The following MEGF11 variants were observed in gnomAD, a reference collection of about 807,000 sequenced individuals.
MEGF11 encodes the protein multiple epidermal growth factor-like domains protein 11.
In MEGF11, 126 loss-of-function variants were observed where a neutral mutation model predicts 146.6. That is an observed-to-expected ratio of 0.86 (90% CI 0.74 to 1.00). The LOEUF (loss-of-function observed/expected upper bound fraction) is 1.00, where lower values mean the gene tolerates loss of function less well. MEGF11 is among the 50% of genes least tolerant of loss of function. The pLI is 0.00. For synonymous variants in MEGF11, 532 were observed against 583.4 expected (o/e 0.91, Z 1.27); for missense variants, 1,509 against 1,521.2 (o/e 0.99, Z 0.13).
At chr15:65,921,271 C>A (rs2079162156) in intron 15 of MEGF11, among the ~76,000 whole-genome samples, 1 of 152,048 alleles carries the variant, frequency 6.6e-6, no homozygotes, top group African/African-American at 2.4e-5. Context: ...TTGCTTTTAG[C>A]CCTAAGTTTA....
intron 5 of MEGF11, among the ~76,000 whole-genome samples, chr15:65,997,136 C>G (rs2141811353): frequency 6.6e-6 from 1 of 152,346 alleles, no homozygotes; most frequent in South Asian, 2.1e-4. Context: ...AGTCAGAGGA[C>G]ACTCTATCCA....
chr15:66,183,723 C>T (rs980382872), intron 1 of MEGF11, among the ~76,000 whole-genome samples: 3 of 152,104 alleles, frequency 2.0e-5, no homozygotes, highest in East Asian at 1.9e-4. Flanking sequence ...ACCTGGGGAT[C>T]GGGGATCCTG....
intron 1 of MEGF11, among the ~76,000 whole-genome samples, chr15:66,169,578 A>C (rs2090190409): frequency 6.6e-6 from 1 of 152,280 alleles, no homozygotes; most frequent in Non-Finnish European, 1.5e-5. Flanking sequence ...CCATAGTAAT[A>C]GCTAAAGTAA....
At chr15:66,060,904 T>C (rs938727145) in intron 5 of MEGF11, among the ~76,000 whole-genome samples, 5 of 152,218 alleles carry the variant, frequency 3.3e-5, no homozygotes, top group African/African-American at 1.2e-4. Context: ...CTAGCCTCTG[T>C]GGCTTGAAGC....
intron 12 of MEGF11, among the ~76,000 whole-genome samples, 166 bp from the exon 13 acceptor site, chr15:65,928,693 G>GGGCT (rs1424113751): frequency 6.6e-6 from 1 of 152,110 alleles, no homozygotes; most frequent in African/African-American, 2.4e-5. Context: ...AGGGAGACTG[G>GGGCT]GGCTGGGGCA....
At chr15:66,099,112 C>G (rs1165102049) in intron 4 of MEGF11, among the ~76,000 whole-genome samples, 1 of 152,112 alleles carries the variant, frequency 6.6e-6, no homozygotes, top group African/African-American at 2.4e-5. Flanking sequence ...CGGCCAAACA[C>G]TCTCCTGGGT....
At chr15:66,175,209 T>C (rs1345451111) in intron 1 of MEGF11, among the ~76,000 whole-genome samples, 2 of 152,188 alleles carry the variant, frequency 1.3e-5, no homozygotes, top group East Asian at 3.8e-4. Context: ...TGCCTATCTC[T>C]AGCTAGGATT....
rs550236188 is a variant in MEGF11 at position 65,992,437 on chromosome 15, C to CTGTG, written c.395-9953_395-9950dup. ...AATGCAAACAACCCCGTTTGTGCCT[C>CTGTG]TGTGTGTGTGTGTGGGGGGGGGGGT... On this transcript the variant is annotated intron_variant, in intron 5 of 25. Transcript: ENST00000395614. Among the ~76,000 whole-genome samples, 128 of 76,240 alleles carry CTGTG rather than the reference C, an allele frequency of 1.7e-3. 4 individuals are homozygous for CTGTG. The highest frequency in any genetic ancestry group is 4.5e-3 in the African/African-American group (93 of 20,734). The allele number at this position is 76,240 out of a possible 152,430, so 50.0% of individuals were successfully genotyped here.
chr15:66,137,837 T>C (rs1194724552), intron 1 of MEGF11, among the ~76,000 whole-genome samples: 1 of 152,034 alleles, frequency 6.6e-6, no homozygotes, highest in African/African-American at 2.4e-5. Flanking sequence ...CATGAGCCAC[T>C]CTGCCTAACC....
intron 22 of MEGF11, 117 bp from the exon 23 acceptor site, chr15:65,909,252 T>G (rs2078721645): frequency 1.4e-6 from 1 of 739,460 alleles, no homozygotes; most frequent in African/African-American, 1.7e-5. Flanking sequence ...TGGGAGGACT[T>G]GGGGGCCTCT....
chr15:65,967,894 C>T (rs1436136821), intron 8 of MEGF11, among the ~76,000 whole-genome samples: 2 of 152,194 alleles, frequency 1.3e-5, no homozygotes, highest in Admixed American at 1.3e-4. Context: ...GGGCTTCCAG[C>T]TGCTCAGGCC....
At chr15:66,025,490 G>T (rs924252739) in intron 5 of MEGF11, among the ~76,000 whole-genome samples, 3 of 152,160 alleles carry the variant, frequency 2.0e-5, no homozygotes, top group African/African-American at 7.2e-5. Flanking sequence ...TTTACCCTGA[G>T]GACAAGGGTA....
chr15:66,012,417 G>A (rs2082737060), intron 5 of MEGF11, among the ~76,000 whole-genome samples: 1 of 152,208 alleles, frequency 6.6e-6, no homozygotes, highest in African/African-American at 2.4e-5. Context: ...TGGGACTCAT[G>A]TGGGATGACA....
chr15:65,980,871 G>A lies in MEGF11; in HGVS notation c.669C>T (p.Ser223=). 6.3e-7 allele frequency: 1 copy of A among 1,592,004 alleles called. No individual in the cohort carries two copies. Among genetic ancestry groups the A allele is most frequent in the Non-Finnish European group, 8.5e-7 (1 of 1,170,028 alleles). Residue 223 remains serine, a synonymous_variant, in exon 7 of 26, where the codon AGC becomes AGT. Transcript: ENST00000395614. The part of the protein sequence containing the change: ...VYCEELCPPG[S]HGAHCELRCP... Reference sequence around the variant, plus strand: ...AGCGCAGCTCACAGTGAGCTCCATGGCTCCCAGGAGGGCACAGCTCCTCGC... The same window carrying A: ...AGCGCAGCTCACAGTGAGCTCCATGACTCCCAGGAGGGCACAGCTCCTCGC...
chr15:66,160,205 T>G (rs1219797332), intron 1 of MEGF11, among the ~76,000 whole-genome samples: 3 of 149,178 alleles, frequency 2.0e-5, no homozygotes, highest in Admixed American at 6.7e-5. Flanking sequence ...AGGGCTTTGT[T>G]TCCTAAACAA....
chr15:65,952,511 C>T (rs1231449334), intron 10 of MEGF11, among the ~76,000 whole-genome samples: 2 of 152,204 alleles, frequency 1.3e-5, no homozygotes, highest in African/African-American at 4.8e-5. Flanking sequence ...GCTGGCCTGA[C>T]CACTGTGTCA....
At chr15:66,243,154 C>T (rs1267215511) in intron 1 of MEGF11, among the ~76,000 whole-genome samples, 11 of 152,254 alleles carry the variant, frequency 7.2e-5, no homozygotes, top group Non-Finnish European at 1.5e-4. Flanking sequence ...ACCTAACCTC[C>T]GGATCTCGGT....
intron 4 of MEGF11, among the ~76,000 whole-genome samples, chr15:66,101,436 C>G (rs2086803881): frequency 6.6e-6 from 1 of 152,190 alleles, no homozygotes; most frequent in Non-Finnish European, 1.5e-5. Context: ...TTGGATGTCA[C>G]TTCCTCCAGG....
chr15:66,082,120 C>A (rs1488836982), intron 5 of MEGF11, among the ~76,000 whole-genome samples: 1 of 152,078 alleles, frequency 6.6e-6, no homozygotes, highest in Non-Finnish European at 1.5e-5. Flanking sequence ...AACTTCCACC[C>A]CTTCAGGGGC....
Sources: gnomAD v4.1 joint callset for allele counts (sites outside exome capture counted in the v4.1 genomes callset) on GRCh38, gnomAD v4.1.1 for gene constraint, MANE v1.5 for transcripts, NCBI Gene and HGNC (gene_info 2026-07-23, HGNC 2026-07-21) for gene names.